The following PPP6R3 variants were observed in gnomAD, a reference collection of about 807,000 sequenced individuals.
The protein encoded by PPP6R3 is protein phosphatase 6 regulatory subunit 3.
Under a neutral mutation model 110.7 loss-of-function variants are expected in PPP6R3, and 38 were observed. The ratio of observed to expected loss-of-function variants is 0.34; its 90% CI spans 0.26 to 0.45. The LOEUF (loss-of-function observed/expected upper bound fraction) is 0.45, where lower values mean the gene tolerates loss of function less well. Ranked by LOEUF, PPP6R3 falls within the 20% of genes least tolerant of loss-of-function variation. The pLI, the probability that PPP6R3 is intolerant of heterozygous loss-of-function variation, is 1.00. For missense variants in PPP6R3, 870 were observed against 1,062.4 expected, an observed-to-expected ratio of 0.82 and a Z score of 2.52; for synonymous variants, 369 against 373.5, an observed-to-expected ratio of 0.99 and a Z score of 0.14.
intron 1 of PPP6R3, among the ~76,000 whole-genome samples, chr11:68,468,589 A>G (rs1375219500): frequency 6.6e-6 from 1 of 152,216 alleles, no homozygotes; most frequent in African/African-American, 2.4e-5. Context: ...CAAGGAGAGA[A>G]ATGGAGTATT....
chr11:68,609,857 G>T, intron 22 of PPP6R3, 47 bp from the exon 23 acceptor site: 1 of 1,610,572 alleles, frequency 6.2e-7, no homozygotes, highest in Non-Finnish European at 8.5e-7. Context: ...GTGCCTAGGT[G>T]CTGGTCCCTA....
At chr11:68,558,491 T>C in intron 7 of PPP6R3, 75 bp from the exon 8 acceptor site, 1 of 888,312 alleles carries the variant, frequency 1.1e-6, no homozygotes, top group Non-Finnish European at 1.8e-6. Context: ...GCTTGTCTTG[T>C]ACCGTCGTCT....
At position 68,590,714 on chromosome 11, in the gene PPP6R3, T is replaced by G. The variant is rs1245613224; in HGVS notation, c.1785T>G (p.Ser595Arg). 5 of 1,591,978 alleles carry G rather than the reference T, an allele frequency of 3.1e-6. No homozygotes were observed. The highest frequency in any genetic ancestry group is 1.7e-5 in the Admixed American group (1 of 59,650). The change falls in exon 17 of 24, where the codon AGT becomes AGG. Residue 595 changes from serine to arginine, a missense_variant and splice_region_variant. Coordinates refer to ENST00000393800, the MANE Select transcript of PPP6R3 (RefSeq NM_001164161.2). Reference protein sequence around the residue: ...DINFTLNTNESGNIALFEACC... With the variant: ...DINFTLNTNERGNIALFEACC... ...ACTTTACTCTCAATACAAATGAAAG[T>G]GTAAGTATAAACTCTGTTGTGAGCA...
intron 8 of PPP6R3, among the ~76,000 whole-genome samples, chr11:68,563,193 G>A (rs1437863614): frequency 6.6e-6 from 1 of 151,978 alleles, no homozygotes; most frequent in East Asian, 1.9e-4. Flanking sequence ...TTGAGCCCAG[G>A]AAACAACAAA....
At chr11:68,494,102 C>A (rs1387811190) in intron 1 of PPP6R3, among the ~76,000 whole-genome samples, 347 of 118,068 alleles carry the variant, frequency 2.9e-3, no homozygotes, top group African/African-American at 3.8e-3. Context: ...GACTCCATCT[C>A]AAAAAAAAAA....
intron 2 of PPP6R3, among the ~76,000 whole-genome samples, chr11:68,529,787 AAG>A (rs1190704741): frequency 1.3e-5 from 2 of 152,332 alleles, no homozygotes; most frequent in African/African-American, 4.8e-5. Context: ...TATTTTAAAA[AAG>A]AGGAAAAACA....
chr11:68,498,380 A>G (rs1234502188), intron 1 of PPP6R3, among the ~76,000 whole-genome samples: 1 of 152,124 alleles, frequency 6.6e-6, no homozygotes, highest in Non-Finnish European at 1.5e-5. Flanking sequence ...CTTCTCTTCT[A>G]TATTATTACT....
intron 1 of PPP6R3, among the ~76,000 whole-genome samples, chr11:68,514,370 T>C (rs967357635): frequency 1.3e-5 from 2 of 151,944 alleles, no homozygotes; most frequent in Non-Finnish European, 2.9e-5. Flanking sequence ...CTGGCTGTTA[T>C]ATGCATTTAT....
intron 1 of PPP6R3, among the ~76,000 whole-genome samples, chr11:68,477,741 A>AAAAAAAATATATATATATATATATAT: frequency 3.5e-5 from 2 of 57,894 alleles, no homozygotes; most frequent in African/African-American, 7.1e-5. Context: ...AAAAAAAAAA[A>AAAAAAAATATATATATATATATATAT]ATATATATAT....
chr11:68,464,534 G>T (rs1221193860), intron 1 of PPP6R3, among the ~76,000 whole-genome samples: 1 of 152,142 alleles, frequency 6.6e-6, no homozygotes, highest in African/African-American at 2.4e-5. Context: ...TGAGTTAAGG[G>T]TTCCTTTCGG....
rs754316161 is a variant in PPP6R3 at position 68,601,950 on chromosome 11, C to T, written c.2280C>T (p.Ala760=). The T allele has an allele frequency of 7.4e-6, 12 of 1,612,758 alleles. No homozygotes were observed. In the East Asian group the frequency reaches 2.2e-4, roughly 30 times the overall value. The stretch of plus-strand genomic sequence containing the variant: ...ACCCTCTGACTCCCAGTGCGGCTGC[C>T]CTGGCAGTGCAGCCAGAAGGTGCGT... ...PMDPLTPSAA[A]LAVQPEAAGS... is the part of the protein sequence containing the mutation. The change falls in exon 21 of 24, where the codon GCC becomes GCT. Residue 760 remains alanine (A), a synonymous_variant. Transcript: ENST00000393800.
At chr11:68,469,038 C>T (rs2098769794) in intron 1 of PPP6R3, among the ~76,000 whole-genome samples, 1 of 152,128 alleles carries the variant, frequency 6.6e-6, no homozygotes, top group Non-Finnish European at 1.5e-5. Flanking sequence ...TTTACAAATT[C>T]TGCATTATAA....
chr11:68,590,749 A>T, intron 17 of PPP6R3, 35 bp downstream of exon 17: 1 of 1,525,466 alleles, frequency 6.6e-7, no homozygotes, highest in Non-Finnish European at 8.9e-7. Flanking sequence ...AGTGTGGCAC[A>T]TGAGAGGTTA....
At position 68,610,037 on chromosome 11, in the gene PPP6R3, T is replaced by G. The variant is rs891936884; in HGVS notation, c.2570+14T>G. The G allele has an allele frequency of 6.2e-7, 1 of 1,612,394 alleles. No homozygotes were observed. The highest frequency in any genetic ancestry group is 1.1e-5 in the South Asian group (1 of 90,954). ...TCCCGAGCAGAGGTAACCACCCGCC[T>G]CCTCAAACCCACCCAGGCCCTGCCC... On this transcript the variant is annotated intron_variant, in intron 23 of 23. Transcript: ENST00000393800.
At chr11:68,493,616 C>CATAT (rs71043436) in intron 1 of PPP6R3, among the ~76,000 whole-genome samples, 6,707 of 137,328 alleles carry the variant, frequency 0.049, 211 homozygotes, top group South Asian at 0.07. Context: ...AAAACAAAAC[C>CATAT]ATATATATAT....
intron 1 of PPP6R3, among the ~76,000 whole-genome samples, chr11:68,489,053 CTG>C (rs2098966831): frequency 6.7e-6 from 1 of 148,592 alleles, no homozygotes; most frequent in East Asian, 1.9e-4. Flanking sequence ...GAGTCTGCCT[CTG>C]TTGCACAGGC....
chr11:68,564,090 C>CTGAT (rs2099444239), intron 8 of PPP6R3, among the ~76,000 whole-genome samples: 1 of 152,042 alleles, frequency 6.6e-6, no homozygotes, highest in African/African-American at 2.4e-5. Context: ...AATTTCTTAC[C>CTGAT]TGATACTGTA....
At chr11:68,511,361 G>T (rs55883802) in intron 1 of PPP6R3, among the ~76,000 whole-genome samples, 1 of 150,468 alleles carries the variant, frequency 6.6e-6, no homozygotes, top group Non-Finnish European at 1.5e-5. Context: ...CACCGCGCCC[G>T]GCCCATGTAT....
chr11:68,563,696 A>T (rs1203692258), intron 8 of PPP6R3, among the ~76,000 whole-genome samples: 1 of 152,222 alleles, frequency 6.6e-6, no homozygotes, highest in East Asian at 1.9e-4. Flanking sequence ...CAGCCACTTC[A>T]TAGAAATGTT....
Sources: gnomAD v4.1 joint callset for allele counts (sites outside exome capture counted in the v4.1 genomes callset) on GRCh38, gnomAD v4.1.1 for gene constraint, MANE v1.5 for transcripts, NCBI Gene and HGNC (gene_info 2026-07-23, HGNC 2026-07-21) for gene names.